Variants in RYR2 observed in about 807,000 individuals in gnomAD.
The protein encoded by RYR2 is cardiac muscle ryanodine receptor-calcium release channel.
Under a neutral mutation model 601.1 loss-of-function variants are expected in RYR2, and 227 were observed. The observed-to-expected ratio is 0.38, with a 90% CI of 0.34 to 0.42. The LOEUF (loss-of-function observed/expected upper bound fraction) is 0.42. Ranked by LOEUF, RYR2 falls within the 10% of genes least tolerant of loss-of-function variation. The pLI is 1.00. For synonymous variants in RYR2, 2,223 were observed against 2,175.1 expected, an observed-to-expected ratio of 1.02 and a Z score of -0.61; for missense variants, 4,646 against 6,156.5, an observed-to-expected ratio of 0.75 and a Z score of 8.21.
chr1:237,422,984 A>C, intron 11 of RYR2, 108 bp from the exon 12 acceptor site: 9 of 1,272,040 alleles, frequency 7.1e-6, no homozygotes, highest in Non-Finnish European at 8.5e-6. Flanking sequence ...GTTTTTTGAG[A>C]ACATTAAGAC....
In RYR2 at chr1:237,295,073, G is replaced by A. The variant is rs565765927; in HGVS notation, c.168+24457G>A. ...TCCAAAACGTAGAGAAAAATTAGCC[G>A]GGCGTGGCAGTGTGTGCCTGTAGTC... On this transcript the variant is annotated intron_variant, in intron 2 of 104. Coordinates refer to ENST00000366574, the MANE Select transcript of RYR2 (RefSeq NM_001035.3). 3.9e-5 allele frequency among the ~76,000 whole-genome samples: 6 copies of A among 152,110 alleles called. No homozygotes were observed. In the South Asian group the frequency reaches 1.0e-3, roughly 26 times the overall value.
chr1:237,198,341 T>C (rs2149033601), intron 1 of RYR2, among the ~76,000 whole-genome samples: 1 of 152,366 alleles, frequency 6.6e-6, no homozygotes, highest in East Asian at 1.9e-4. Context: ...TGCGTCATTT[T>C]CATGAATTGT....
intron 55 of RYR2, 54 bp from the exon 56 acceptor site, chr1:237,660,756 C>G: frequency 6.9e-7 from 1 of 1,455,308 alleles, no homozygotes. Context: ...CGTTACTTAA[C>G]ATTTTTATTT....
At chr1:237,734,392 C>T (rs183166927) in intron 79 of RYR2, among the ~76,000 whole-genome samples, 4 of 152,232 alleles carry the variant, frequency 2.6e-5, no homozygotes, top group East Asian at 3.9e-4. Context: ...TGAGGGAAAC[C>T]GTCCCCATGA....
At chr1:237,780,831 G>C (rs1414586101) in intron 88 of RYR2, among the ~76,000 whole-genome samples, 1 of 151,914 alleles carries the variant, frequency 6.6e-6, no homozygotes, top group Non-Finnish European at 1.5e-5. Context: ...ATCTTCTATG[G>C]TGCTTATATG....
chr1:237,253,731 C>T lies in RYR2; in HGVS notation c.49-16766C>T, dbSNP rs1204963255. ...CTCAGGTATAGTTTGCTGGTTCATC[C>T]GTTCATTTTCAGGCTGGAGAAAAGC... On this transcript the variant is annotated intron_variant, in intron 1 of 104. Transcript: ENST00000366574. Among the ~76,000 whole-genome samples, 12 of 152,134 alleles carry T rather than the reference C, an allele frequency of 7.9e-5. No individual in the cohort carries two copies. The South Asian group carries it at 8.3e-4, about 10-fold the overall frequency.
intron 25 of RYR2, among the ~76,000 whole-genome samples, chr1:237,542,607 G>A (rs149332887): frequency 9.7e-4 from 147 of 152,120 alleles, no homozygotes; most frequent in African/African-American, 3.5e-3. Context: ...TTTGATATTG[G>A]GTTCACATTG....
chr1:237,461,496 C>T (rs545175559), intron 16 of RYR2, among the ~76,000 whole-genome samples: 63 of 152,204 alleles, frequency 4.1e-4, no homozygotes, highest in African/African-American at 1.4e-3. Context: ...CTCTGTATTG[C>T]GTTCTTTTAA....
chr1:237,220,364 G>A (rs1683676244), intron 1 of RYR2, among the ~76,000 whole-genome samples: 1 of 152,204 alleles, frequency 6.6e-6, no homozygotes, highest in East Asian at 1.9e-4. Flanking sequence ...TTTTACCAGT[G>A]GCCTCCTGGG....
At chr1:237,469,707 T>G (rs1194308822) in intron 17 of RYR2, among the ~76,000 whole-genome samples, 1 of 152,178 alleles carries the variant, frequency 6.6e-6, no homozygotes. Context: ...TTGTTTTCCT[T>G]GTATTCAAAA....
chr1:237,116,199 G>T (rs1670060778), intron 1 of RYR2, among the ~76,000 whole-genome samples: 1 of 152,172 alleles, frequency 6.6e-6, no homozygotes, highest in Non-Finnish European at 1.5e-5. Flanking sequence ...TGCAGAAGGG[G>T]AAGGGGAACC....
chr1:237,591,255 C>T (rs572844843), intron 31 of RYR2, among the ~76,000 whole-genome samples: 26 of 148,234 alleles, frequency 1.8e-4, no homozygotes, highest in Non-Finnish European at 2.5e-4. Context: ...GCAAAGGATG[C>T]TGTAGGGAAA....
chr1:237,330,300 A>G (rs930909707), intron 2 of RYR2, among the ~76,000 whole-genome samples: 4 of 152,250 alleles, frequency 2.6e-5, no homozygotes, highest in Non-Finnish European at 4.4e-5. Context: ...TCCCAGGGCA[A>G]TGCGTATCAG....
At chr1:237,764,057 C>T (rs1408482970) in intron 84 of RYR2, among the ~76,000 whole-genome samples, 1 of 152,218 alleles carries the variant, frequency 6.6e-6, no homozygotes, top group Non-Finnish European at 1.5e-5. Context: ...CTTCTACATC[C>T]TTGCCCACTG....
At chr1:237,084,881 C>T (rs553284443) in intron 1 of RYR2, among the ~76,000 whole-genome samples, 98 of 152,354 alleles carry the variant, frequency 6.4e-4, no homozygotes, top group Non-Finnish European at 1.1e-3. Context: ...GGGCCGGGGC[C>T]GGCCCTCTTG....
chr1:237,631,864 G>C (rs12028840), intron 42 of RYR2, among the ~76,000 whole-genome samples: 3 of 70,812 alleles, frequency 4.2e-5, no homozygotes, highest in East Asian at 5.7e-4. Context: ...TCCTGACCTC[G>C]TGATCCGCCC....
In RYR2 at chr1:237,748,997, G is replaced by A. The variant is rs554928346; in HGVS notation, c.11145+6648G>A. Among the ~76,000 whole-genome samples the A allele has an allele frequency of 1.6e-4, 25 of 152,264 alleles. 1 individual carries two copies. Among genetic ancestry groups the A allele is most frequent in the Admixed American group, 2.0e-4 (3 of 15,288 alleles). On this transcript the variant is annotated intron_variant, in intron 80 of 104. Coordinates refer to ENST00000366574, the MANE Select transcript of RYR2 (RefSeq NM_001035.3). ...AGACAGGAGGATGTACGTAGGTTAAGTGCAAACACTATAACATTTTATATA... is the reference window on the plus strand; with the variant it reads ...AGACAGGAGGATGTACGTAGGTTAAATGCAAACACTATAACATTTTATATA...
chr1:237,665,260 A>G (rs919517132), intron 56 of RYR2, among the ~76,000 whole-genome samples: 4 of 152,030 alleles, frequency 2.6e-5, no homozygotes, highest in Non-Finnish European at 5.9e-5. Flanking sequence ...TTAGCTGGTG[A>G]CAGAGATGCG....
chr1:237,390,081 G>C (rs993753313), intron 10 of RYR2, among the ~76,000 whole-genome samples: 1 of 150,710 alleles, frequency 6.6e-6, no homozygotes, highest in Non-Finnish European at 1.5e-5. Context: ...GTTTAGTAGG[G>C]AACCAGGGAA....
Sources: gnomAD v4.1 joint callset for allele counts (sites outside exome capture counted in the v4.1 genomes callset) on GRCh38, gnomAD v4.1.1 for gene constraint, MANE v1.5 for transcripts, NCBI Gene and HGNC (gene_info 2026-07-23, HGNC 2026-07-21) for gene names.